Variants in PRH1 observed in about 807,000 individuals in gnomAD.
PRH1 encodes the protein proline rich protein HaeIII subfamily 1, also known as salivary acidic proline-rich phosphoprotein 1/2.
PRH1 carries 7 observed loss-of-function variants against 7.9 expected under a neutral mutation model. The observed-to-expected ratio is 0.89, with a 90% CI of 0.50 to 1.67. The LOEUF is 1.67. Among genes scored for constraint, PRH1 ranks in the 40% most tolerant of loss-of-function variants. PRH1 has a pLI of 0.00. For missense variants in PRH1, 109 were observed against 223.6 expected (o/e 0.49, Z 3.27); for synonymous variants, 45 against 80.8 (o/e 0.56, Z 2.38).
intron 1 of PRH1, among the ~76,000 whole-genome samples, chr12:11,015,519 A>G (rs1267276122): frequency 6.6e-6 from 1 of 152,064 alleles, no homozygotes; most frequent in Non-Finnish European, 1.5e-5. Flanking sequence ...GTTGCTGCAG[A>G]CTCGTACCAA....
At chr12:10,986,146 C>T (rs186746554) in intron 1 of PRH1, 1 of 1,614,036 alleles carries the variant, frequency 6.2e-7, no homozygotes, top group African/African-American at 1.3e-5. Context: ...AAGAAAATGG[C>T]ACATAACAAG....
intron 1 of PRH1, chr12:11,031,216 C>A: frequency 1.2e-6 from 2 of 1,614,120 alleles, no homozygotes; most frequent in Non-Finnish European, 1.7e-6. Flanking sequence ...CAAAAGAGAT[C>A]TTTTGTCTCT....
intron 2 of PRH1, chr12:10,938,709 A>G (rs1950337351): frequency 2.5e-6 from 4 of 1,613,998 alleles, no homozygotes; most frequent in Non-Finnish European, 1.7e-6. Flanking sequence ...CTTGAATCAG[A>G]ACTGCAAGTC....
intron 1 of PRH1, among the ~76,000 whole-genome samples, chr12:11,023,127 A>G (rs1345702455): frequency 6.6e-6 from 1 of 152,224 alleles, no homozygotes; most frequent in African/African-American, 2.4e-5. Context: ...TATCAAAATC[A>G]TCCAAGATTA....
At chr12:10,923,074 C>T (rs1486595958) in intron 2 of PRH1, among the ~76,000 whole-genome samples, 3 of 149,940 alleles carry the variant, frequency 2.0e-5, no homozygotes, top group Admixed American at 1.3e-4. Flanking sequence ...ATGATCCACC[C>T]GCCTCGGCCT....
rs151025805 is a variant in PRH1 at position 10,938,280 on chromosome 12, G to A, written c.-59+35375C>T. The A allele has an allele frequency of 2.3e-4, 370 of 1,600,950 alleles. No individual in the cohort carries two copies. Among genetic ancestry groups the A allele is most frequent in the Non-Finnish European group, 2.8e-4 (327 of 1,176,124 alleles). On this transcript the variant is annotated intron_variant, in intron 2 of 3. Transcript: ENST00000539853. Reference sequence around the variant, plus strand: ...CAAGATGATTCTCTAAATTCTTTGTGACCTGAGGGCTCCCCATCTTTGAAC... The same window carrying A: ...CAAGATGATTCTCTAAATTCTTTGTAACCTGAGGGCTCCCCATCTTTGAAC...
intron 2 of PRH1, among the ~76,000 whole-genome samples, chr12:10,924,114 A>G (rs1487984915): frequency 6.1e-5 from 9 of 146,670 alleles, no homozygotes; most frequent in Non-Finnish European, 1.0e-4. Flanking sequence ...CAGCCTCCCG[A>G]GTAGCTGGGA....
intron 2 of PRH1, among the ~76,000 whole-genome samples, chr12:10,923,914 T>G (rs1950086628): frequency 6.6e-6 from 1 of 152,096 alleles, no homozygotes; most frequent in Non-Finnish European, 1.5e-5. Context: ...AAAATTTTGC[T>G]AGTTATCACT....
intron 1 of PRH1, among the ~76,000 whole-genome samples, chr12:11,007,321 T>G (rs2136033298): frequency 6.6e-6 from 1 of 152,148 alleles, no homozygotes; most frequent in Admixed American, 6.6e-5. Context: ...TTAAACCCAT[T>G]GGGGTTGGAA....
intron 1 of PRH1, among the ~76,000 whole-genome samples, chr12:10,979,845 CTA>C (rs1022610814): frequency 1.1e-4 from 16 of 152,042 alleles, no homozygotes; most frequent in African/African-American, 2.9e-4. Flanking sequence ...AACGTGGACT[CTA>C]TGTTTTTTGT....
At chr12:10,996,855 G>C in intron 1 of PRH1, 1 of 1,309,874 alleles carries the variant, frequency 7.6e-7, no homozygotes, top group Non-Finnish European at 1.0e-6. Flanking sequence ...CAAATACATA[G>C]ACTACGGAAA....
At chr12:11,104,479 T>C (rs893766566) in intron 1 of PRH1, among the ~76,000 whole-genome samples, 1 of 152,144 alleles carries the variant, frequency 6.6e-6, no homozygotes, top group African/African-American at 2.4e-5. Context: ...TAGCTCAAAT[T>C]TGTTCATTTT....
intron 1 of PRH1, chr12:11,134,308 A>G: frequency 7.9e-7 from 1 of 1,261,424 alleles, no homozygotes; most frequent in East Asian, 2.5e-5. Flanking sequence ...TGATTGCTTG[A>G]ATATCCTGAC....
At chr12:11,068,307 T>G (rs1321465847) in intron 1 of PRH1, among the ~76,000 whole-genome samples, 1 of 152,232 alleles carries the variant, frequency 6.6e-6, no homozygotes, top group Non-Finnish European at 1.5e-5. Flanking sequence ...TAAAAATATT[T>G]TTCTTGAACT....
At chr12:11,153,438 G>T (rs1374232519) in intron 1 of PRH1, among the ~76,000 whole-genome samples, 1 of 152,122 alleles carries the variant, frequency 6.6e-6, no homozygotes, top group Non-Finnish European at 1.5e-5. Context: ...CAGGAAATTT[G>T]CTAAAAAAGA....
intron 1 of PRH1, among the ~76,000 whole-genome samples, chr12:10,989,637 C>T (rs1939832333): frequency 6.6e-6 from 1 of 152,136 alleles, no homozygotes; most frequent in Non-Finnish European, 1.5e-5. Context: ...TTTATACAGT[C>T]AAAATTTATT....
chr12:11,019,138 A>T (rs577289155), intron 1 of PRH1, among the ~76,000 whole-genome samples: 14 of 152,404 alleles, frequency 9.2e-5, no homozygotes, highest in African/African-American at 3.4e-4. Context: ...AACTTTGGCC[A>T]AAGGGAAATA....
chr12:10,986,962 G>GTTAC, intron 1 of PRH1: 2 of 814,128 alleles, frequency 2.5e-6, no homozygotes, highest in Non-Finnish European at 3.6e-6. Flanking sequence ...ATTTCTGAAT[G>GTTAC]TGCAGTAACA....
intron 1 of PRH1, among the ~76,000 whole-genome samples, chr12:10,981,419 G>A (rs890588196): frequency 7.2e-6 from 1 of 138,618 alleles, no homozygotes; most frequent in Non-Finnish European, 1.5e-5. Flanking sequence ...TGTCGCCCAG[G>A]CTGGAGTTCA....
Sources: allele counts gnomAD v4.1 joint callset (sites outside exome capture counted in the v4.1 genomes callset), GRCh38; gene constraint gnomAD v4.1.1; transcripts MANE v1.5; gene names NCBI Gene and HGNC (gene_info 2026-07-23, HGNC 2026-07-21).